The following GNA12 variants were observed in gnomAD, a reference collection of about 807,000 sequenced individuals.
GNA12 encodes G protein subunit alpha 12.
In GNA12, 9 loss-of-function variants were observed where a neutral mutation model predicts 26.0. That is an observed-to-expected ratio of 0.35 (90% confidence interval 0.21 to 0.60). GNA12 has a LOEUF of 0.60. Ranked by LOEUF, GNA12 falls within the 20% of genes least tolerant of loss-of-function variation. The pLI is 0.78. For missense variants in GNA12, 405 were observed against 525.8 expected (o/e 0.77, Z 2.25); for synonymous variants, 264 against 219.6 (o/e 1.20, Z -1.79).
intron 2 of GNA12, among the ~76,000 whole-genome samples, chr7:2,769,548 G>A (rs1791895971): frequency 6.6e-6 from 1 of 151,938 alleles, no homozygotes; most frequent in African/African-American, 2.4e-5. Context: ...GGCCAACACG[G>A]TGAAACCCCG....
intron 2 of GNA12, among the ~76,000 whole-genome samples, chr7:2,779,668 GGCTCACTACAACTTCA>G (rs1792171943): frequency 6.6e-6 from 1 of 152,002 alleles, no homozygotes; most frequent in Non-Finnish European, 1.5e-5. Flanking sequence ...GTGTGATCTT[GGCTCACTACAACTTCA>G]GCCTCCGGGG....
intron 1 of GNA12, among the ~76,000 whole-genome samples, chr7:2,798,401 G>T (rs1208577995): frequency 6.6e-6 from 1 of 152,172 alleles, no homozygotes; most frequent in African/African-American, 2.4e-5. Flanking sequence ...TGAACATGTG[G>T]AAAGTGAAAT....
At chr7:2,812,328 C>T (rs1331144076) in intron 1 of GNA12, among the ~76,000 whole-genome samples, 2 of 152,166 alleles carry the variant, frequency 1.3e-5, no homozygotes, top group African/African-American at 4.8e-5. Context: ...TGGTGCTTTG[C>T]TAAAATCAGA....
intron 2 of GNA12, among the ~76,000 whole-genome samples, chr7:2,747,455 T>C (rs1377423072): frequency 2.0e-5 from 3 of 152,184 alleles, no homozygotes; most frequent in Admixed American, 2.0e-4. Flanking sequence ...GAAAAGGCCT[T>C]TGACAAAATT....
chr7:2,792,897 C>T (rs1792556175), intron 2 of GNA12, among the ~76,000 whole-genome samples: 1 of 152,138 alleles, frequency 6.6e-6, no homozygotes, highest in Admixed American at 6.5e-5. Context: ...ATGTATCTCC[C>T]TAAGATATGT....
intron 1 of GNA12, among the ~76,000 whole-genome samples, chr7:2,834,552 G>C (rs1407742316): frequency 6.6e-6 from 1 of 152,294 alleles, no homozygotes; most frequent in South Asian, 2.1e-4. Context: ...TGTTGAACTT[G>C]ATCTTTTTGT....
chr7:2,837,634 A>C (rs1158110614), intron 1 of GNA12, among the ~76,000 whole-genome samples: 1 of 152,206 alleles, frequency 6.6e-6, no homozygotes, highest in African/African-American at 2.4e-5. Flanking sequence ...CTCAAACGAC[A>C]GTAGATTTCT....
intron 2 of GNA12, among the ~76,000 whole-genome samples, chr7:2,789,089 G>A (rs1004435913): frequency 3.3e-5 from 5 of 150,024 alleles, no homozygotes; most frequent in African/African-American, 9.8e-5. Context: ...AAGTGCTCCC[G>A]AAGTACAGGC....
intron 2 of GNA12, among the ~76,000 whole-genome samples, chr7:2,757,529 G>T (rs547685151): frequency 6.6e-6 from 1 of 152,272 alleles, no homozygotes; most frequent in Non-Finnish European, 1.5e-5. Flanking sequence ...CTTGAAAAAG[G>T]ATGACAAGCC....
intron 2 of GNA12, among the ~76,000 whole-genome samples, chr7:2,760,834 G>C (rs1583252296): frequency 2.0e-5 from 3 of 152,222 alleles, no homozygotes; most frequent in South Asian, 4.1e-4. Flanking sequence ...AGGTTAGCTT[G>C]TCTGCAAGAG....
chr7:2,824,291 C>T (rs759999620), intron 1 of GNA12, among the ~76,000 whole-genome samples: 1 of 152,130 alleles, frequency 6.6e-6, no homozygotes, highest in Non-Finnish European at 1.5e-5. Flanking sequence ...GACAAAGAGC[C>T]CCTCACACAC....
intron 1 of GNA12, among the ~76,000 whole-genome samples, chr7:2,805,077 T>A (rs1185602088): frequency 6.6e-6 from 1 of 152,186 alleles, no homozygotes; most frequent in Non-Finnish European, 1.5e-5. Context: ...CTCAGCACAC[T>A]GTGGTAAATA....
intron 1 of GNA12, among the ~76,000 whole-genome samples, chr7:2,802,745 C>T (rs762156361): frequency 2.0e-5 from 3 of 152,206 alleles, no homozygotes; most frequent in Non-Finnish European, 4.4e-5. Flanking sequence ...ATAAAAGAAA[C>T]GCTGCCAGAA....
chr7:2,812,733 T>C (rs913315407), intron 1 of GNA12, among the ~76,000 whole-genome samples: 3 of 132,826 alleles, frequency 2.3e-5, no homozygotes, highest in Non-Finnish European at 5.2e-5. Flanking sequence ...AGCCACCTTC[T>C]ACGATGGTGC....
At chr7:2,758,897 C>T (rs915958870) in intron 2 of GNA12, among the ~76,000 whole-genome samples, 8 of 152,094 alleles carry the variant, frequency 5.3e-5, no homozygotes, top group African/African-American at 7.2e-5. Context: ...ATAATCCCAG[C>T]GCTCTGGGAG....
intron 2 of GNA12, among the ~76,000 whole-genome samples, chr7:2,751,287 G>A (rs552308411): frequency 6.6e-6 from 1 of 151,760 alleles, no homozygotes; most frequent in Non-Finnish European, 1.5e-5. Context: ...TCAGCAGGGG[G>A]AGCTGAGGTG....
intron 2 of GNA12, among the ~76,000 whole-genome samples, chr7:2,773,422 C>T (rs570610701): frequency 1.3e-5 from 2 of 152,072 alleles, no homozygotes; most frequent in African/African-American, 2.4e-5. Flanking sequence ...ATTAGCCAGG[C>T]GTGGTGGTGG....
Position 2,745,386 on chromosome 7 carries a change from T to C in GNA12, c.526-11885A>G, listed in dbSNP as rs561961056. 2.0e-4 allele frequency among the ~76,000 whole-genome samples: 30 copies of C among 152,292 alleles called. No individual in the cohort carries two copies. The South Asian group carries it at 6.0e-3, about 31-fold the overall frequency. On this transcript the variant is annotated intron_variant, in intron 2 of 3. Transcript: ENST00000275364. ...TATTCAACATTCTTAAAGAAAATAA[T>C]TTTCAACCCAGAATTTCATATCCAG...
intron 2 of GNA12, among the ~76,000 whole-genome samples, chr7:2,735,236 C>T (rs1056900978): frequency 1.3e-5 from 2 of 152,268 alleles, no homozygotes; most frequent in African/African-American, 4.8e-5. Flanking sequence ...CATACTGTCC[C>T]TCCCTCTCCT....
Sources: gnomAD v4.1 joint callset for allele counts (sites outside exome capture counted in the v4.1 genomes callset) on GRCh38, gnomAD v4.1.1 for gene constraint, MANE v1.5 for transcripts, NCBI Gene and HGNC (gene_info 2026-07-23, HGNC 2026-07-21) for gene names.